Variants in SDCCAG8 observed in about 807,000 individuals in gnomAD.
The protein encoded by SDCCAG8 is SHH signaling and ciliogenesis regulator SDCCAG8.
A neutral mutation model predicts 101.8 loss-of-function variants in SDCCAG8; 74 were observed. That is an observed-to-expected ratio of 0.73 (90% confidence interval 0.60 to 0.88). SDCCAG8 has a LOEUF of 0.88. Among genes scored for constraint, SDCCAG8 ranks in the 40% least tolerant of loss-of-function variants. SDCCAG8 has a pLI of 0.00. For missense variants in SDCCAG8, 787 were observed against 822.6 expected (o/e 0.96, Z 0.53); for synonymous variants, 281 against 292.9 (o/e 0.96, Z 0.41).
At chr1:243,392,717 A>T (rs2078774676) in intron 13 of SDCCAG8, among the ~76,000 whole-genome samples, 1 of 152,252 alleles carries the variant, frequency 6.6e-6, no homozygotes, top group Non-Finnish European at 1.5e-5. Flanking sequence ...GAATGGCAGC[A>T]TGCGACAACT....
intron 9 of SDCCAG8, among the ~76,000 whole-genome samples, chr1:243,329,854 G>A (rs2074461788): frequency 6.6e-6 from 1 of 152,186 alleles, no homozygotes; most frequent in Non-Finnish European, 1.5e-5. Context: ...GAAATGCAGA[G>A]TGGGAAATTT....
At chr1:243,461,088 TTG>T (rs1659017315) in intron 16 of SDCCAG8, among the ~76,000 whole-genome samples, 1 of 152,212 alleles carries the variant, frequency 6.6e-6, no homozygotes, top group African/African-American at 2.4e-5. Context: ...AAACTTTTGC[TTG>T]TCTCTTCTTC....
chr1:243,488,014 G>C (rs1665397698), intron 16 of SDCCAG8: 1 of 152,536 alleles, frequency 6.6e-6, no homozygotes, highest in Non-Finnish European at 1.5e-5. Context: ...TGTGGGCCGA[G>C]CAGCGCCGGA....
At chr1:243,303,287 G>A (rs147144126) in intron 6 of SDCCAG8, among the ~76,000 whole-genome samples, 2 of 152,344 alleles carry the variant, frequency 1.3e-5, no homozygotes, top group African/African-American at 4.8e-5. Context: ...CTTTTATGAC[G>A]TGGACCCTTC....
intron 8 of SDCCAG8, among the ~76,000 whole-genome samples, chr1:243,309,268 T>C (rs2072473586): frequency 6.6e-6 from 1 of 152,236 alleles, no homozygotes; most frequent in Non-Finnish European, 1.5e-5. Context: ...CAAAAGTTAC[T>C]TAACCTTTTT....
In SDCCAG8 at chr1:243,274,545, G is replaced by A; in HGVS notation, c.309G>A (p.Arg103=). 1 of 1,533,620 alleles carries A rather than the reference G, an allele frequency of 6.5e-7. No homozygotes were observed. The highest frequency in any genetic ancestry group is 9.0e-7 in the Non-Finnish European group (1 of 1,108,854). ...TATTTATTTATTTTTTGTCATAGAG[G>A]TCATTAGAACATGAGGAAACCAATA... ...PSRRRKMSPL[R]SLEHEETNMP... Residue 103 remains arginine, a splice_region_variant and synonymous_variant, in exon 4 of 18, where the codon AGG becomes AGA. Transcript: ENST00000366541.
intron 17 of SDCCAG8, among the ~76,000 whole-genome samples, chr1:243,496,220 T>A (rs1277737210): frequency 2.6e-5 from 4 of 152,184 alleles, no homozygotes; most frequent in Admixed American, 2.6e-4. Context: ...GAAATGAACT[T>A]CTTCTCAGGC....
chr1:243,424,080 T>G (rs1304472479), intron 15 of SDCCAG8, among the ~76,000 whole-genome samples: 2 of 152,274 alleles, frequency 1.3e-5, no homozygotes, highest in South Asian at 4.1e-4. Flanking sequence ...TCTGTAGATA[T>G]TTTCAATATT....
Position 243,429,071 on chromosome 1 carries a change from C to G in SDCCAG8, c.1985+2513C>G, listed in dbSNP as rs530310820. Among the ~76,000 whole-genome samples, 3 of 152,236 alleles carry G rather than the reference C, an allele frequency of 2.0e-5. No individual in the cohort carries two copies. In the East Asian group the frequency reaches 5.8e-4, roughly 29 times the overall value. The stretch of plus-strand genomic sequence containing the variant: ...GCCACTAGTGATGTTGGAAGTACTT[C>G]CAAGAAGCAGAGAAAAGTCATGACG... On this transcript the variant is annotated intron_variant, in intron 16 of 17. Transcript: ENST00000366541.
chr1:243,338,572 C>T (rs2075172107), intron 10 of SDCCAG8, among the ~76,000 whole-genome samples: 1 of 152,112 alleles, frequency 6.6e-6, no homozygotes, highest in Non-Finnish European at 1.5e-5. Flanking sequence ...GCACTGAGCA[C>T]TCAGCTTTGT....
intron 13 of SDCCAG8, among the ~76,000 whole-genome samples, chr1:243,410,655 C>G (rs1366849079): frequency 6.6e-6 from 1 of 152,070 alleles, no homozygotes; most frequent in Non-Finnish European, 1.5e-5. Context: ...TTTTTTCTGT[C>G]CCAGGGTCAT....
At chr1:243,281,721 A>G (rs1034447728) in intron 4 of SDCCAG8, among the ~76,000 whole-genome samples, 1 of 138,864 alleles carries the variant, frequency 7.2e-6, no homozygotes, top group Non-Finnish European at 1.5e-5. Flanking sequence ...AAAGCTCACT[A>G]CAGCCTAGAA....
intron 9 of SDCCAG8, among the ~76,000 whole-genome samples, chr1:243,323,482 A>G (rs780284606): frequency 6.6e-6 from 1 of 151,944 alleles, no homozygotes; most frequent in Non-Finnish European, 1.5e-5. Context: ...CTTCTATGTC[A>G]TCACATTTTT....
intron 1 of SDCCAG8, among the ~76,000 whole-genome samples, chr1:243,258,167 G>A (rs1193998265): frequency 2.0e-5 from 3 of 150,058 alleles, no homozygotes; most frequent in African/African-American, 2.4e-5. Flanking sequence ...GAGCAAATAC[G>A]AAGGATAGAA....
At chr1:243,442,643 C>A (rs1257664645) in intron 16 of SDCCAG8, among the ~76,000 whole-genome samples, 3 of 152,086 alleles carry the variant, frequency 2.0e-5, no homozygotes, top group East Asian at 1.9e-4. Context: ...CACAAAAGTT[C>A]TTTCCACTCA....
At chr1:243,282,783 T>A (rs2069175986) in intron 4 of SDCCAG8, among the ~76,000 whole-genome samples, 1 of 152,226 alleles carries the variant, frequency 6.6e-6, no homozygotes, top group Non-Finnish European at 1.5e-5. Flanking sequence ...TCCCAGGTAA[T>A]TCTTATCCTT....
chr1:243,499,477 A>C (rs1459107317), intron 17 of SDCCAG8, among the ~76,000 whole-genome samples: 1 of 152,090 alleles, frequency 6.6e-6, no homozygotes, highest in African/African-American at 2.4e-5. Context: ...GCCATGTCCT[A>C]ACACCAGACT....
chr1:243,430,984 G>A (rs1368636520), intron 16 of SDCCAG8, among the ~76,000 whole-genome samples: 2 of 151,942 alleles, frequency 1.3e-5, no homozygotes, highest in Non-Finnish European at 2.9e-5. Context: ...GGATCATGAG[G>A]TCAGGAGTTC....
chr1:243,351,765 A>T (rs1053198558), intron 12 of SDCCAG8, among the ~76,000 whole-genome samples: 2 of 152,264 alleles, frequency 1.3e-5, no homozygotes, highest in African/African-American at 4.8e-5. Flanking sequence ...AAATATGTTC[A>T]TTTAATAAAA....
Sources: allele counts gnomAD v4.1 joint callset (sites outside exome capture counted in the v4.1 genomes callset), GRCh38; gene constraint gnomAD v4.1.1; transcripts MANE v1.5; gene names NCBI Gene and HGNC (gene_info 2026-07-23, HGNC 2026-07-21).